SLC14A2: variants seen among roughly 807,000 people sequenced by gnomAD.
The protein encoded by SLC14A2 is urea transporter 2.
In SLC14A2, 91 loss-of-function variants were observed where a neutral mutation model predicts 104.6. The observed-to-expected ratio is 0.87, with a 90% CI of 0.73 to 1.04. The LOEUF (loss-of-function observed/expected upper bound fraction) is 1.04. SLC14A2 is among the 50% of genes least tolerant of loss of function. The probability of loss-of-function intolerance (pLI) is 0.00; values close to 1 mark genes in which losing one functional copy is unlikely to be tolerated. For synonymous variants in SLC14A2, 476 were observed against 466.4 expected, an observed-to-expected ratio of 1.02 and a Z score of -0.27; for missense variants, 1,189 against 1,156.0, an observed-to-expected ratio of 1.03 and a Z score of -0.41.
chr18:45,563,124 C>A (rs996598230), intron 2 of SLC14A2, among the ~76,000 whole-genome samples: 1 of 152,204 alleles, frequency 6.6e-6, no homozygotes. Context: ...GGTTTGGGCC[C>A]TCTGAGGCAG....
At chr18:45,649,803 T>C (rs1020300270) in intron 10 of SLC14A2, among the ~76,000 whole-genome samples, 1 of 152,248 alleles carries the variant, frequency 6.6e-6, no homozygotes, top group Non-Finnish European at 1.5e-5. Context: ...GTGTTACACA[T>C]GAGAAATCTG....
At chr18:45,526,954 C>T (rs1338687768) in intron 2 of SLC14A2, among the ~76,000 whole-genome samples, 3 of 152,124 alleles carry the variant, frequency 2.0e-5, no homozygotes, top group African/African-American at 4.8e-5. Context: ...GAATAAGGGA[C>T]ATTGGATGGA....
chr18:45,465,618 C>A (rs552322612), intron 1 of SLC14A2, among the ~76,000 whole-genome samples: 117 of 152,314 alleles, frequency 7.7e-4, no homozygotes, highest in African/African-American at 2.8e-3. Context: ...CTCCTCCTCC[C>A]TTCCTCAGGG....
At chr18:45,551,503 T>C (rs908713169) in intron 2 of SLC14A2, among the ~76,000 whole-genome samples, 1 of 152,246 alleles carries the variant, frequency 6.6e-6, no homozygotes, top group African/African-American at 2.4e-5. Context: ...GGCTCCCTTC[T>C]GACCAGGTTC....
chr18:45,217,059 C>A (rs2084017343), intron 1 of SLC14A2, among the ~76,000 whole-genome samples: 1 of 152,044 alleles, frequency 6.6e-6, no homozygotes. Context: ...CTTGACCAAG[C>A]TTGACTTTCA....
At chr18:45,655,617 A>G (rs1196818915) in intron 10 of SLC14A2, among the ~76,000 whole-genome samples, 3 of 152,204 alleles carry the variant, frequency 2.0e-5, no homozygotes, top group Admixed American at 6.5e-5. Flanking sequence ...ATAGGTTGCC[A>G]TAGCTTCTGC....
intron 5 of SLC14A2, among the ~76,000 whole-genome samples, chr18:45,636,435 TGAA>T (rs1198111357): frequency 2.0e-5 from 3 of 152,228 alleles, no homozygotes; most frequent in African/African-American, 7.2e-5. Flanking sequence ...AAGGAAAAGA[TGAA>T]GAAGACAGAG....
the SLC14A2 span, among the ~76,000 whole-genome samples, chr18:45,184,407 AG>A: frequency 6.6e-6 from 1 of 152,236 alleles, no homozygotes; most frequent in East Asian, 1.9e-4. Context: ...GTTCATAAGC[AG>A]AGGAGATTCT....
chr18:45,573,809 CAG>C (rs1179028558), intron 2 of SLC14A2, among the ~76,000 whole-genome samples: 1 of 152,216 alleles, frequency 6.6e-6, no homozygotes, highest in Non-Finnish European at 1.5e-5. Context: ...TGGCCCAGCA[CAG>C]AGTTCCTGCT....
At chr18:45,250,755 C>CTTTTTTTTTTTTTTTTTTTTTTTTT (rs67864793) in intron 1 of SLC14A2, among the ~76,000 whole-genome samples, 6 of 93,890 alleles carry the variant, frequency 6.4e-5, no homozygotes, top group African/African-American at 2.6e-4. Context: ...TGGCTTCTTC[C>CTTTTTTTTTTTTTTTTTTTTTTTTT]TTTTTTTTTT....
At chr18:45,488,269 A>G (rs1436802141) in intron 2 of SLC14A2, among the ~76,000 whole-genome samples, 1 of 152,136 alleles carries the variant, frequency 6.6e-6, no homozygotes. Context: ...CCCCAGAGGA[A>G]AAAAACAAGC....
chr18:45,549,569 G>T (rs934000282), intron 2 of SLC14A2, among the ~76,000 whole-genome samples: 3 of 152,206 alleles, frequency 2.0e-5, no homozygotes, highest in Non-Finnish European at 2.9e-5. Context: ...CCCCAGTGGA[G>T]TGCAGGTAAT....
intron 2 of SLC14A2, among the ~76,000 whole-genome samples, chr18:45,530,634 G>A (rs28568706): frequency 0.16 from 23,825 of 152,020 alleles, 1,862 homozygotes; most frequent in Middle Eastern, 0.24. Flanking sequence ...TGCTGCTTGA[G>A]AGCCTAAGAA....
At position 45,461,071 on chromosome 18, in the gene SLC14A2, C is replaced by T. The variant is rs573989494; in HGVS notation, c.-124-22162C>T. On this transcript the variant is annotated intron_variant, in intron 1 of 20. Transcript: ENST00000586448. ...AGGCCAAGATTATTTTCTACAATTCCTTTTCATTGCCCCCCAAAACTCACT... is the reference window on the plus strand; with the variant it reads ...AGGCCAAGATTATTTTCTACAATTCTTTTTCATTGCCCCCCAAAACTCACT... 5.3e-5 allele frequency among the ~76,000 whole-genome samples: 8 copies of T among 152,284 alleles called. No homozygotes were observed. In the South Asian group the frequency reaches 1.7e-3, roughly 32 times the overall value.
intron 1 of SLC14A2, among the ~76,000 whole-genome samples, chr18:45,624,240 C>G (rs2045222400): frequency 1.3e-5 from 2 of 152,140 alleles, no homozygotes; most frequent in Admixed American, 1.3e-4. Flanking sequence ...TTAGACACCC[C>G]CCACCTCCAA....
At chr18:45,513,989 C>T (rs1428874639) in intron 2 of SLC14A2, among the ~76,000 whole-genome samples, 1 of 152,172 alleles carries the variant, frequency 6.6e-6, no homozygotes, top group African/African-American at 2.4e-5. Context: ...AGATCCTACC[C>T]TTTCTAACTT....
intron 2 of SLC14A2, among the ~76,000 whole-genome samples, chr18:45,606,927 A>T (rs966682942): frequency 2.0e-5 from 3 of 152,100 alleles, no homozygotes; most frequent in African/African-American, 7.2e-5. Flanking sequence ...TATGTGTCTG[A>T]TCATCCCTCA....
Position 45,625,833 on chromosome 18 carries a change from G to T in SLC14A2, c.301G>T (p.Asp101Tyr), listed in dbSNP as rs750301658. Residue 101 changes from aspartate (D) to tyrosine (Y), a missense_variant, in exon 3 of 20, where the codon GAC (aspartate) becomes TAC (tyrosine). Physicochemically the swap from Asp to Tyr is radical, Grantham distance 160 (BLOSUM62 -3). Coordinates refer to ENST00000255226, the MANE Select transcript of SLC14A2 (RefSeq NM_007163.4). ...CAAAGCAGTGGGCTACCTCACGGGC[G>T]ACATGAAGGAGTACAGGATCTGGCT... ...LSKAVGYLTGDMKEYRIWLKD... is the reference protein window; with the variant it reads ...LSKAVGYLTGYMKEYRIWLKD... 1.3e-5 allele frequency: 20 copies of T among 1,501,420 alleles called. No individual in the cohort carries two copies. Among genetic ancestry groups the T allele is most frequent in the Non-Finnish European group, 1.4e-5 (16 of 1,128,734 alleles). 93.0% of individuals were successfully genotyped at this position (1,501,420 alleles called of 1,614,324 possible).
chr18:45,320,902 C>A (rs2085178586), intron 1 of SLC14A2, among the ~76,000 whole-genome samples: 1 of 152,208 alleles, frequency 6.6e-6, no homozygotes, highest in African/African-American at 2.4e-5. Context: ...CTGACTACAA[C>A]ATCATCTGCA....
Sources: allele counts gnomAD v4.1 joint callset (sites outside exome capture counted in the v4.1 genomes callset), GRCh38; gene constraint gnomAD v4.1.1; transcripts MANE v1.5; gene names NCBI Gene and HGNC (gene_info 2026-07-23, HGNC 2026-07-21).